DYNC1H1: variants seen among roughly 807,000 people sequenced by gnomAD.
DYNC1H1 encodes dynein cytoplasmic 1 heavy chain 1, also known as cytoplasmic dynein 1 heavy chain 1.
DYNC1H1 carries 51 observed loss-of-function variants against 527.1 expected under a neutral mutation model. That is an observed-to-expected ratio of 0.10 (90% CI 0.08 to 0.12). The LOEUF (loss-of-function observed/expected upper bound fraction) is 0.12. Among genes scored for constraint, DYNC1H1 ranks in the 10% least tolerant of loss-of-function variants. The pLI is 1.00. For missense variants in DYNC1H1, 2,771 were observed against 5,971.8 expected (o/e 0.46, Z 17.66); for synonymous variants, 2,189 against 2,278.8 (o/e 0.96, Z 1.12).
chr14:102,033,511 C>A lies in DYNC1H1; in HGVS notation c.10413+27C>A. On this transcript the variant is annotated intron_variant, in intron 54 of 77. Coordinates refer to ENST00000360184, the MANE Select transcript of DYNC1H1 (RefSeq NM_001376.5). The surrounding 1 kb of genome is among the most constrained non-coding windows in gnomAD (Gnocchi z 5.6). The stretch of plus-strand genomic sequence containing the variant: ...TAAGATTATCATCATTGATCCTCAG[C>A]CTTTCCTGCTGTGGAAGCAGAGATT... 1 of 1,612,890 alleles carries A rather than the reference C, an allele frequency of 6.2e-7. No individual in the cohort carries two copies. The highest frequency in any genetic ancestry group is 1.1e-5 in the South Asian group (1 of 91,016).
At chr14:102,006,204 CAT>C (rs1491262989) in intron 27 of DYNC1H1, 34 bp downstream of exon 27, 2 of 1,608,984 alleles carry the variant, frequency 1.2e-6, no homozygotes, top group Non-Finnish European at 1.7e-6. Context: ...CAGATGGAAT[CAT>C]ATATTAAAAT....
intron 11 of DYNC1H1, among the ~76,000 whole-genome samples, chr14:101,992,142 A>G (rs770209109): frequency 2.0e-5 from 3 of 152,194 alleles, no homozygotes; most frequent in Non-Finnish European, 4.4e-5. Flanking sequence ...ACAAAAGGAA[A>G]TCTCAAAAGA....
chr14:102,006,321 A>C (rs932718671), intron 27 of DYNC1H1, 151 bp downstream of exon 27: 4 of 1,191,770 alleles, frequency 3.4e-6, no homozygotes, highest in South Asian at 3.0e-5. Flanking sequence ...TGCAAGCTCC[A>C]CCTCCCGGGT....
In DYNC1H1 at chr14:102,001,044, C is replaced by A; in HGVS notation, c.4165C>A (p.Leu1389Ile). The change falls in exon 19 of 78, where the codon CTT becomes ATT. Residue 1389 changes from leucine to isoleucine, a missense_variant. Physicochemically the swap from Leu to Ile is conservative, Grantham distance 5 (BLOSUM62 2). This residue lies in a region of DYNC1H1 where 223 missense variants were observed against 462.5 expected (regional missense o/e 0.48). Transcript: ENST00000360184. This position sits in a 1 kb window ranked among gnomAD's most constrained non-coding sequence, Gnocchi z 5.0. ...TGCGTCCTATGAGTTTGTTCAGAGG[C>A]TTCTGAAAGGTTACATGAAGGTAGG... The part of the protein sequence containing the change: ...QYASYEFVQR[L>I]LKGYMKINML... 1 of 1,614,158 alleles carries A rather than the reference C, an allele frequency of 6.2e-7. No homozygotes were observed. Among genetic ancestry groups the A allele is most frequent in the Non-Finnish European group, 8.5e-7 (1 of 1,180,044 alleles).
rs1166666168 is a variant in DYNC1H1, at chr14:102,053,388, A to C, written c.*2825A>C. Reference sequence around the variant, plus strand: ...GTGATCCACCCGCCTCAGCCTCCCAAGGTGCTGGGATTACAGGTGTGAGCC... The same window carrying C: ...GTGATCCACCCGCCTCAGCCTCCCACGGTGCTGGGATTACAGGTGTGAGCC... On this transcript the variant is annotated 3_prime_UTR_variant, in exon 78 of 78. Coordinates refer to ENST00000360184, the MANE Select transcript of DYNC1H1 (RefSeq NM_001376.5). The C allele has an allele frequency of 6.6e-6, 1 of 151,440 alleles. No individual in the cohort carries two copies. The highest frequency in any genetic ancestry group is 2.4e-5 in the African/African-American group (1 of 41,130). 9.4% of individuals were successfully genotyped at this position (151,440 alleles called of 1,614,324 possible).
chr14:102,047,661 AT>A, intron 72 of DYNC1H1, 155 bp from the exon 73 acceptor site: 1 of 587,662 alleles, frequency 1.7e-6, no homozygotes, highest in Non-Finnish European at 3.1e-6. Flanking sequence ...ATATATATAT[AT>A]ATGTACACAC....
chr14:101,996,281 C>A (rs879574489), intron 15 of DYNC1H1, among the ~76,000 whole-genome samples: 1 of 151,774 alleles, frequency 6.6e-6, no homozygotes, highest in Non-Finnish European at 1.5e-5. Flanking sequence ...AGGCGCCCAC[C>A]ACCATGCCCG....
rs2048780418 is a variant in DYNC1H1, at chr14:102,049,854, C to T, written c.13656C>T (p.Thr4552=). ...EVNVTTSQGA[T]LDACSFGVTG... ...ACGTCACCACCTCACAGGGCGCCAC[C>T]CTTGACGCTTGCAGCTTCGGAGTCA... Residue 4552 remains threonine (T), a synonymous_variant, in exon 76 of 78, where the codon ACC becomes ACT. Coordinates refer to ENST00000360184, the MANE Select transcript of DYNC1H1 (RefSeq NM_001376.5). This position sits in a 1 kb window ranked among gnomAD's most constrained non-coding sequence, Gnocchi z 5.5. The T allele has an allele frequency of 6.2e-7, 1 of 1,613,918 alleles. No homozygotes were observed. Among genetic ancestry groups the T allele is most frequent in the Non-Finnish European group, 8.5e-7 (1 of 1,180,028 alleles).
At chr14:102,021,084 TA>T (rs970051600) in intron 42 of DYNC1H1, among the ~76,000 whole-genome samples, 1 of 151,404 alleles carries the variant, frequency 6.6e-6, no homozygotes, top group Non-Finnish European at 1.5e-5. Context: ...CCTTTTCAAT[TA>T]AAAAAAAATT....
intron 24 of DYNC1H1, 22 bp from the exon 25 acceptor site, chr14:102,004,740 C>T: frequency 6.2e-7 from 1 of 1,614,064 alleles, no homozygotes. Context: ...TACCTCATTT[C>T]TTAAAATTGT....
chr14:102,010,075 C>A lies in DYNC1H1; in HGVS notation c.6210C>A (p.Val2070=). 6.2e-7 allele frequency: 1 copy of A among 1,613,668 alleles called. No homozygotes were observed. The change falls in exon 30 of 78, where the codon GTC becomes GTA. Residue 2070 remains valine, a synonymous_variant. Coordinates refer to ENST00000360184, the MANE Select transcript of DYNC1H1 (RefSeq NM_001376.5). The surrounding 1 kb of genome is among the most constrained non-coding windows in gnomAD (Gnocchi z 6.0). The part of the protein sequence containing the change: ...RTAEVLANKI[V]PFFKLCDEQL... Reference sequence around the variant, plus strand: ...CTGAAGTGCTTGCCAACAAAATCGTCCCGTTTTTTAAGTAAGTAGCCTAGA... The same window carrying A: ...CTGAAGTGCTTGCCAACAAAATCGTACCGTTTTTTAAGTAAGTAGCCTAGA...
chr14:102,017,569 G>C lies in DYNC1H1; in HGVS notation c.8177+65G>C. The C allele has an allele frequency of 6.2e-7, 1 of 1,613,986 alleles. No homozygotes were observed. The highest frequency in any genetic ancestry group is 1.1e-5 in the South Asian group (1 of 91,064). Reference sequence around the variant, plus strand: ...CAGCTCCAGGATTGCTGTAAACACAGCGCCACAAAAACCTGGTTTTGATAA... The same window carrying C: ...CAGCTCCAGGATTGCTGTAAACACACCGCCACAAAAACCTGGTTTTGATAA... On this transcript the variant is annotated intron_variant, in intron 40 of 77. Coordinates refer to ENST00000360184, the MANE Select transcript of DYNC1H1 (RefSeq NM_001376.5). This position sits in a 1 kb window ranked among gnomAD's most constrained non-coding sequence, Gnocchi z 4.6.
In DYNC1H1 at chr14:101,964,640, C is replaced by T. The variant is rs1446728706; in HGVS notation, c.-52C>T. On this transcript the variant is annotated 5_prime_UTR_variant, in exon 1 of 78. Transcript: ENST00000360184. The surrounding 1 kb of genome is among the most constrained non-coding windows in gnomAD (Gnocchi z 5.5). ...TTTCTGTCTCTTGCTGGCTGTCTCG[C>T]TGAGTCGCGGCCGCCTTCTCATCGC... 4 of 1,546,540 alleles carry T rather than the reference C, an allele frequency of 2.6e-6. No homozygotes were observed. Among genetic ancestry groups the T allele is most frequent in the Non-Finnish European group, 2.6e-6 (3 of 1,152,094 alleles).
In DYNC1H1 at chr14:102,017,079, C is replaced by T. The variant is rs1595617810; in HGVS notation, c.7849-9C>T. 1.2e-6 allele frequency: 2 copies of T among 1,614,240 alleles called. No homozygotes were observed. The highest frequency in any genetic ancestry group is 1.1e-5 in the South Asian group (1 of 91,080). Reference sequence around the variant, plus strand: ...TCTTACAGTGTGGTTTTGTGTCTTCCCTCCAAAGGTGGTGGGTCTCAACTT... The same window carrying T: ...TCTTACAGTGTGGTTTTGTGTCTTCTCTCCAAAGGTGGTGGGTCTCAACTT... On this transcript the variant is annotated splice_polypyrimidine_tract_variant and intron_variant, in intron 38 of 77. Coordinates refer to ENST00000360184, the MANE Select transcript of DYNC1H1 (RefSeq NM_001376.5). The surrounding 1 kb of genome is among the most constrained non-coding windows in gnomAD (Gnocchi z 4.6).
chr14:102,046,766 C>T (rs912069427), intron 72 of DYNC1H1, among the ~76,000 whole-genome samples: 1 of 151,948 alleles, frequency 6.6e-6, no homozygotes, highest in Non-Finnish European at 1.5e-5. Context: ...GAAGAGCCTT[C>T]CTTGAGTCTT....
intron 10 of DYNC1H1, among the ~76,000 whole-genome samples, chr14:101,990,388 T>C (rs989085524): frequency 6.6e-6 from 1 of 152,172 alleles, no homozygotes; most frequent in Non-Finnish European, 1.5e-5. Context: ...CTGTTGTGTG[T>C]TCAATCCCTG....
rs2048320995 is a variant in DYNC1H1, at chr14:102,016,244, G to A, written c.7474-105G>A. 2 of 1,531,728 alleles carry A rather than the reference G, an allele frequency of 1.3e-6. No homozygotes were observed. The highest frequency in any genetic ancestry group is 1.2e-5 in the South Asian group (1 of 85,096). 94.9% of individuals were successfully genotyped at this position (1,531,728 alleles called of 1,614,324 possible). ...GAAAGGTGCAGTGGGTGTCTGTGAT[G>A]CAAGAAGACTGGGAACCACTGTCTT... On this transcript the variant is annotated intron_variant, in intron 36 of 77. Transcript: ENST00000360184. This position sits in a 1 kb window ranked among gnomAD's most constrained non-coding sequence, Gnocchi z 7.3.
chr14:101,981,376 G>A (rs1338923449), intron 5 of DYNC1H1, among the ~76,000 whole-genome samples: 1 of 152,176 alleles, frequency 6.6e-6, no homozygotes, highest in Non-Finnish European at 1.5e-5. Context: ...TCCTGCCTTG[G>A]CCTCCCAAAG....
In DYNC1H1 at chr14:102,034,373, C is replaced by T; in HGVS notation, c.10675C>T (p.Arg3559Cys). 6 of 1,614,112 alleles carry T rather than the reference C, an allele frequency of 3.7e-6. No homozygotes were observed. The highest frequency in any genetic ancestry group is 5.1e-6 in the Non-Finnish European group (6 of 1,180,050). ...RTEYLSNADE[R>C]LRWQASSLPA... Reference sequence around the variant, plus strand: ...GGAATACCTTTCCAATGCTGATGAGCGTCTTCGCTGGCAGGCCAGCTCCTT... The same window carrying T: ...GGAATACCTTTCCAATGCTGATGAGTGTCTTCGCTGGCAGGCCAGCTCCTT... Residue 3559 changes from arginine (R) to cysteine (C), a missense_variant, in exon 56 of 78, where the codon CGT becomes TGT. Physicochemically the swap from Arg to Cys is radical, Grantham distance 180. Around this residue, in one of 32 missense-constraint regions of DYNC1H1, gnomAD observed 283 missense variants for 737.6 expected, o/e 0.38. Transcript: ENST00000360184.
Sources: gnomAD v4.1 joint callset for allele counts (sites outside exome capture counted in the v4.1 genomes callset) on GRCh38, gnomAD v4.1.1 for gene constraint, gnomAD v4.1.1 regional missense constraint, Gnocchi (gnomAD v3.1) non-coding constraint, MANE v1.5 for transcripts, NCBI Gene and HGNC (gene_info 2026-07-23, HGNC 2026-07-21) for gene names.